The following NOS1 variants were observed in gnomAD, a reference collection of about 807,000 sequenced individuals.
NOS1 encodes nitric oxide synthase 1.
Under a neutral mutation model 164.5 loss-of-function variants are expected in NOS1, and 51 were observed. The observed-to-expected ratio is 0.31, with a 90% CI of 0.25 to 0.39. NOS1 has a LOEUF of 0.39. Among genes scored for constraint, NOS1 ranks in the 10% least tolerant of loss-of-function variants. The pLI is 1.00. For synonymous variants in NOS1, 719 were observed against 745.8 expected (o/e 0.96, Z 0.59); for missense variants, 1,362 against 1,885.6 (o/e 0.72, Z 5.14).
intron 24 of NOS1, among the ~76,000 whole-genome samples, 181 bp downstream of exon 24, chr12:117,226,502 G>T (rs900102941): frequency 6.6e-6 from 1 of 152,266 alleles, no homozygotes; most frequent in Non-Finnish European, 1.5e-5. Context: ...GACTTGCCTA[G>T]CTTGCTGTGC....
intron 16 of NOS1, among the ~76,000 whole-genome samples, chr12:117,254,644 C>T (rs1871307935): frequency 6.6e-6 from 1 of 151,986 alleles, no homozygotes; most frequent in Admixed American, 6.5e-5. Flanking sequence ...AAATACAAGT[C>T]AATGTGGTTG....
chr12:117,337,143 T>G (rs1438103527), intron 1 of NOS1, among the ~76,000 whole-genome samples: 3 of 118,766 alleles, frequency 2.5e-5, no homozygotes, highest in Admixed American at 1.1e-4. Flanking sequence ...TGAGACGGAG[T>G]CTTGCTCTGT....
At position 117,344,994 on chromosome 12, in the gene NOS1, TCTTGCTTG is replaced by T. The variant is rs369862738; in HGVS notation, c.-420-13513_-420-13506del. On this transcript the variant is annotated intron_variant, in intron 1 of 28. Coordinates refer to ENST00000317775, the MANE Select transcript of NOS1 (RefSeq NM_000620.5). ...TCAAACGCGGGCTATTATGATTAAT[TCTTGCTTG>T]CTTGCTTGGTTGCTTGGTTGCTTTC... Among the ~76,000 whole-genome samples the T allele has an allele frequency of 6.8e-4, 103 of 151,218 alleles. 1 individual carries two copies. In the East Asian group the frequency reaches 0.017, roughly 25 times the overall value.
chr12:117,212,510 G>C lies in NOS1; in HGVS notation c.*2799C>G, dbSNP rs1044854483. 66 of 985,292 alleles carry C rather than the reference G, an allele frequency of 6.7e-5. No homozygotes were observed. Among genetic ancestry groups the C allele is most frequent in the Middle Eastern group, 5.2e-4 (1 of 1,936 alleles). The allele number at this position is 985,292 out of a possible 1,614,324, so 61.0% of individuals were successfully genotyped here. On this transcript the variant is annotated 3_prime_UTR_variant, in exon 29 of 29. Coordinates refer to ENST00000317775, the MANE Select transcript of NOS1 (RefSeq NM_000620.5). ...TTTCACGACACAAGCTGTGGGAACTGGATGCATAGTGATGGCAGGTGAGCA... is the reference window on the plus strand; with the variant it reads ...TTTCACGACACAAGCTGTGGGAACTCGATGCATAGTGATGGCAGGTGAGCA...
At chr12:117,288,304 T>C (rs1872840315) in intron 4 of NOS1, 85 bp from the exon 5 acceptor site, 23 of 1,327,598 alleles carry the variant, frequency 1.7e-5, no homozygotes, top group Middle Eastern at 2.7e-4. Flanking sequence ...CTCGTACTCA[T>C]GGTTGAGTTT....
intron 20 of NOS1, among the ~76,000 whole-genome samples, chr12:117,240,086 AGTTT>A (rs1314474344): frequency 6.6e-6 from 1 of 152,092 alleles, no homozygotes; most frequent in African/African-American, 2.4e-5. Context: ...GGTCTTTCAT[AGTTT>A]GTTGCTGAAA....
intron 3 of NOS1, among the ~76,000 whole-genome samples, chr12:117,310,365 A>G (rs1448659136): frequency 2.0e-5 from 3 of 152,204 alleles, no homozygotes; most frequent in Non-Finnish European, 4.4e-5. Flanking sequence ...GAAATATTAT[A>G]TGGCTATAAA....
intron 22 of NOS1, 151 bp from the exon 23 acceptor site, chr12:117,227,792 C>T (rs916789953): frequency 2.3e-5 from 17 of 744,422 alleles, no homozygotes; most frequent in Admixed American, 4.1e-5. Flanking sequence ...TTTGGGGGGC[C>T]GGGGAGAGAG....
At chr12:117,253,541 T>C (rs980121167) in intron 17 of NOS1, 97 bp downstream of exon 17, 15 of 800,740 alleles carry the variant, frequency 1.9e-5, no homozygotes, top group African/African-American at 1.7e-4. Flanking sequence ...GAATGGACAC[T>C]ACCTCTCCAC....
chr12:117,215,783 C>T (rs994819671), intron 28 of NOS1, among the ~76,000 whole-genome samples: 1 of 151,862 alleles, frequency 6.6e-6, no homozygotes, highest in Admixed American at 6.6e-5. Flanking sequence ...GGACCTGGCA[C>T]CTAGCAGGGG....
chr12:117,253,668 A>G lies in NOS1; in HGVS notation c.2618T>C (p.Phe873Ser). 6 of 1,613,666 alleles carry G rather than the reference A, an allele frequency of 3.7e-6. No homozygotes were observed. The highest frequency in any genetic ancestry group is 4.2e-6 in the Non-Finnish European group (5 of 1,179,854). The change falls in exon 17 of 29, where the codon TTT (phenylalanine) becomes TCT (serine). Residue 873 changes from phenylalanine to serine, a missense_variant. Around this residue, in one of 4 missense-constraint regions of NOS1, gnomAD observed 737 missense variants for 1,030.3 expected, o/e 0.72. Coordinates refer to ENST00000317775, the MANE Select transcript of NOS1 (RefSeq NM_000620.5). ...SGDGPDLRDN[F>S]ESAGPLANVR... The stretch of plus-strand genomic sequence containing the variant: ...ATTGGCCAGGGGTCCAGCACTCTCA[A>G]AGTTGTCTCTGAGGTCGGGCCCATC...
chr12:117,331,092 C>T lies in NOS1; in HGVS notation c.-23G>A. The T allele has an allele frequency of 6.3e-7, 1 of 1,590,772 alleles. No homozygotes were observed. The highest frequency in any genetic ancestry group is 8.6e-7 in the Non-Finnish European group (1 of 1,167,390). On this transcript the variant is annotated 5_prime_UTR_variant, in exon 2 of 29. Coordinates refer to ENST00000317775, the MANE Select transcript of NOS1 (RefSeq NM_000620.5). Reference sequence around the variant, plus strand: ...CATGGTAACTAGCTTCCGAGGGGTCCTGTCTGAAGACCTCACAATGCTATC... The same window carrying T: ...CATGGTAACTAGCTTCCGAGGGGTCTTGTCTGAAGACCTCACAATGCTATC...
Position 117,211,831 on chromosome 12 carries a change from G to T in NOS1, c.*3478C>A. On this transcript the variant is annotated 3_prime_UTR_variant, in exon 29 of 29. Coordinates refer to ENST00000317775, the MANE Select transcript of NOS1 (RefSeq NM_000620.5). ...CTGTAATCCAGCACTTTGGGAGGCT[G>T]AGGTGCGTGGATCATTTGAGGTCAG... is the stretch of plus-strand genomic sequence containing the variant. The T allele has an allele frequency of 1.0e-6, 1 of 973,112 alleles. No homozygotes were observed. The highest frequency in any genetic ancestry group is 1.8e-5 in the African/African-American group (1 of 57,082). The allele number at this position is 973,112 out of a possible 1,614,324, so 60.3% of individuals were successfully genotyped here.
At chr12:117,343,586 C>T (rs482555) in intron 1 of NOS1, among the ~76,000 whole-genome samples, 125,134 of 152,214 alleles carry the variant, frequency 0.82, 51,948 homozygotes, top group African/African-American at 0.93. Flanking sequence ...CCAAGACTTT[C>T]GTAATGATTA....
In NOS1 at chr12:117,272,878, C is replaced by T. The variant is rs750702734; in HGVS notation, c.1665-319G>A. On this transcript the variant is annotated intron_variant, in intron 9 of 28. Coordinates refer to ENST00000317775, the MANE Select transcript of NOS1 (RefSeq NM_000620.5). The surrounding 1 kb of genome is among the most constrained non-coding windows in gnomAD (Gnocchi z 4.3). ...TGTGGGGACCTCTCTCCCCCTTCCC[C>T]GACTGAGCACCCTCCTACCCTCAGG... Among the ~76,000 whole-genome samples the T allele has an allele frequency of 1.2e-4, 18 of 152,200 alleles. No homozygotes were observed. Among genetic ancestry groups the T allele is most frequent in the South Asian group, 2.1e-4 (1 of 4,830 alleles).
intron 22 of NOS1, among the ~76,000 whole-genome samples, chr12:117,230,402 A>G (rs1350651868): frequency 6.6e-6 from 1 of 152,196 alleles, no homozygotes; most frequent in East Asian, 1.9e-4. Flanking sequence ...CTCCTGTTCT[A>G]CCTCTGCCAT....
rs1486733071 is a variant in NOS1 at position 117,214,656 on chromosome 12, A to T, written c.*653T>A. On this transcript the variant is annotated 3_prime_UTR_variant, in exon 29 of 29. Coordinates refer to ENST00000317775, the MANE Select transcript of NOS1 (RefSeq NM_000620.5). ...GCCCTGAACCCTTTCTAACTAGAAC[A>T]ATTATGGGGCTTCCAAATGTTTCAG... 1.0e-6 allele frequency: 1 copy of T among 985,412 alleles called. No homozygotes were observed. Among genetic ancestry groups the T allele is most frequent in the Non-Finnish European group, 1.2e-6 (1 of 829,944 alleles). The allele number at this position is 985,412 out of a possible 1,614,324, so 61.0% of individuals were successfully genotyped here. A position where few individuals can be genotyped will look rare whatever the true frequency, so the allele number is the denominator to read the frequency against.
intron 1 of NOS1, among the ~76,000 whole-genome samples, chr12:117,337,125 T>C (rs1875867193): frequency 8.1e-6 from 1 of 123,588 alleles, no homozygotes; most frequent in Non-Finnish European, 1.7e-5. Context: ...TTTTTTTTTT[T>C]TTTTTTTTGA....
intron 20 of NOS1, among the ~76,000 whole-genome samples, chr12:117,237,441 T>G (rs1187651041): frequency 6.6e-6 from 1 of 152,034 alleles, no homozygotes; most frequent in African/African-American, 2.4e-5. Flanking sequence ...TATTTTTTAT[T>G]TTTTCTTCAA....
Sources: allele counts gnomAD v4.1 joint callset (sites outside exome capture counted in the v4.1 genomes callset), GRCh38; gene constraint gnomAD v4.1.1; regional missense constraint gnomAD v4.1.1; non-coding constraint Gnocchi (gnomAD v3.1); transcripts MANE v1.5; gene names NCBI Gene and HGNC (gene_info 2026-07-23, HGNC 2026-07-21).